Variants in TBC1D16 observed in about 807,000 individuals in gnomAD.
TBC1D16 encodes CTD-2529O21.1.
A neutral mutation model predicts 74.7 loss-of-function variants in TBC1D16; 58 were observed. That is an observed-to-expected ratio of 0.78 (90% CI 0.63 to 0.97). The LOEUF (loss-of-function observed/expected upper bound fraction) is 0.97, where lower values mean the gene tolerates loss of function less well. Ranked by LOEUF, TBC1D16 falls within the 50% of genes least tolerant of loss-of-function variation. TBC1D16 has a pLI of 0.00. For missense variants in TBC1D16, 1,014 were observed against 1,079.5 expected (o/e 0.94, Z 0.85); for synonymous variants, 493 against 474.7 (o/e 1.04, Z -0.50).
At chr17:79,974,253 T>C (rs1206807831) in intron 3 of TBC1D16, among the ~76,000 whole-genome samples, 1 of 152,194 alleles carries the variant, frequency 6.6e-6, no homozygotes, top group Non-Finnish European at 1.5e-5. Flanking sequence ...TTTTTTCTCT[T>C]TTTTGAGACG....
intron 3 of TBC1D16, among the ~76,000 whole-genome samples, chr17:79,972,978 A>C (rs1232597584): frequency 6.6e-6 from 1 of 152,146 alleles, no homozygotes; most frequent in East Asian, 1.9e-4. Flanking sequence ...GCTGCTCAGG[A>C]GGCTGAAGCG....
chr17:79,955,343 G>C (rs992651927), intron 3 of TBC1D16, among the ~76,000 whole-genome samples: 1 of 152,142 alleles, frequency 6.6e-6, no homozygotes, highest in South Asian at 2.1e-4. Context: ...GGTGGGGGTT[G>C]CATCGTGTCT....
intron 1 of TBC1D16, among the ~76,000 whole-genome samples, chr17:80,024,667 C>A (rs1413310777): frequency 2.1e-5 from 3 of 146,238 alleles, no homozygotes; most frequent in Non-Finnish European, 3.0e-5. Context: ...ACACCATAGA[C>A]ACACAGACAC....
chr17:79,951,503 A>G lies in TBC1D16; in HGVS notation c.1036T>C (p.Ser346Pro). Residue 346 changes from serine to proline, a missense_variant, in exon 5 of 12, where the codon TCT (serine) becomes CCT (proline). Physicochemically the swap from Ser to Pro is moderately conservative, Grantham distance 74. Transcript: ENST00000310924. ...TATTTCCACTGCTGGAACACGTCAG[A>G]CAGCTTGTCCAGGCCGCCGTGGTGG... ...HFHHGGLDKL[S>P]DVFQQWKYCT... The G allele has an allele frequency of 6.2e-7, 1 of 1,614,038 alleles. No individual in the cohort carries two copies. Among genetic ancestry groups the G allele is most frequent in the Non-Finnish European group, 8.5e-7 (1 of 1,179,990 alleles).
At chr17:79,973,629 G>A (rs2034207489) in intron 3 of TBC1D16, among the ~76,000 whole-genome samples, 1 of 151,280 alleles carries the variant, frequency 6.6e-6, no homozygotes, top group South Asian at 2.1e-4. Context: ...AGAATGGCAT[G>A]AACCCCAGAG....
chr17:79,951,310 G>A (rs556091255), intron 5 of TBC1D16, 140 bp downstream of exon 5: 10 of 1,030,568 alleles, frequency 9.7e-6, no homozygotes, highest in African/African-American at 3.2e-5. Context: ...CTGCTCTGAC[G>A]GCCAAAAACT....
At chr17:80,024,868 TCA>T (rs1377658160) in intron 1 of TBC1D16, among the ~76,000 whole-genome samples, 3 of 122,298 alleles carry the variant, frequency 2.5e-5, no homozygotes, top group Non-Finnish European at 4.9e-5. Context: ...GATACATACA[TCA>T]CACACCACAT....
intron 1 of TBC1D16, among the ~76,000 whole-genome samples, chr17:80,030,539 TC>T (rs2036739945): frequency 6.6e-6 from 1 of 152,150 alleles, no homozygotes; most frequent in Non-Finnish European, 1.5e-5. Context: ...TGCAAAAGTC[TC>T]TTCCAGAACC....
chr17:79,962,859 C>T (rs368031373), intron 3 of TBC1D16, among the ~76,000 whole-genome samples: 3 of 151,588 alleles, frequency 2.0e-5, no homozygotes, highest in Non-Finnish European at 2.9e-5. Context: ...GTCAGGAGTT[C>T]GAGACCAGCC....
intron 2 of TBC1D16, among the ~76,000 whole-genome samples, chr17:80,012,861 C>G (rs913059473): frequency 6.6e-6 from 1 of 152,072 alleles, no homozygotes; most frequent in Non-Finnish European, 1.5e-5. Flanking sequence ...GGGAAGGGGA[C>G]GGCAACAGGA....
In TBC1D16 at chr17:79,983,192, G is replaced by A. The variant is rs1416222613; in HGVS notation, c.779+26968C>T. Among the ~76,000 whole-genome samples, 1 of 152,216 alleles carries A rather than the reference G, an allele frequency of 6.6e-6. No homozygotes were observed. The highest frequency in any genetic ancestry group is 1.5e-5 in the Non-Finnish European group (1 of 68,048). On this transcript the variant is annotated intron_variant, in intron 3 of 11. Coordinates refer to ENST00000310924, the MANE Select transcript of TBC1D16 (RefSeq NM_019020.4). The surrounding 1 kb of genome is among the most constrained non-coding windows in gnomAD (Gnocchi z 5.6). ...CGCTGTGCAGGCGTGAAACCCAGTGGCGGTTCAGAAGACGTGGCAGCGCGG... is the reference window on the plus strand; with the variant it reads ...CGCTGTGCAGGCGTGAAACCCAGTGACGGTTCAGAAGACGTGGCAGCGCGG...
chr17:80,027,065 T>A (rs2091443786), intron 1 of TBC1D16, among the ~76,000 whole-genome samples: 1 of 152,138 alleles, frequency 6.6e-6, no homozygotes, highest in Non-Finnish European at 1.5e-5. Context: ...TAGGAAGGAC[T>A]CAGAGTTCAT....
intron 3 of TBC1D16, among the ~76,000 whole-genome samples, chr17:79,957,416 C>T (rs949994348): frequency 3.3e-5 from 5 of 152,148 alleles, no homozygotes; most frequent in Non-Finnish European, 2.9e-5. Context: ...GTGCGTCTTA[C>T]GAAGGGGTTT....
intron 1 of TBC1D16, among the ~76,000 whole-genome samples, chr17:80,024,929 C>CACACACACCACACACCATAGAA (rs2036496390): frequency 7.0e-6 from 1 of 142,584 alleles, no homozygotes; most frequent in Non-Finnish European, 1.5e-5. Flanking sequence ...ACACCATAGA[C>CACACACACCACACACCATAGAA]ACACACACCA....
At chr17:80,031,709 C>G (rs909212692) in intron 1 of TBC1D16, among the ~76,000 whole-genome samples, 1 of 152,154 alleles carries the variant, frequency 6.6e-6, no homozygotes, top group African/African-American at 2.4e-5. Context: ...GAGGTCAGGC[C>G]TGGGAGAAGA....
chr17:80,030,354 G>A (rs1267223483), intron 1 of TBC1D16, among the ~76,000 whole-genome samples: 4 of 152,082 alleles, frequency 2.6e-5, no homozygotes, highest in Non-Finnish European at 2.9e-5. Flanking sequence ...ACCCAGGAGA[G>A]GAGCACGCCT....
chr17:80,009,661 G>T lies in TBC1D16; in HGVS notation c.779+499C>A, dbSNP rs1345178001. Among the ~76,000 whole-genome samples, 3 of 152,248 alleles carry T rather than the reference G, an allele frequency of 2.0e-5. No homozygotes were observed. Among genetic ancestry groups the T allele is most frequent in the African/African-American group, 7.2e-5 (3 of 41,468 alleles). ...GCTGAAGCCTCCGGGGACCACAGGGGGCCAGGTCACGTGCCCAGTGGGCTG... is the reference window on the plus strand; with the variant it reads ...GCTGAAGCCTCCGGGGACCACAGGGTGCCAGGTCACGTGCCCAGTGGGCTG... On this transcript the variant is annotated intron_variant, in intron 3 of 11. Coordinates refer to ENST00000310924, the MANE Select transcript of TBC1D16 (RefSeq NM_019020.4). This position sits in a 1 kb window ranked among gnomAD's most constrained non-coding sequence, Gnocchi z 5.4.
chr17:80,011,858 G>A (rs1465777978), intron 2 of TBC1D16, among the ~76,000 whole-genome samples: 2 of 152,116 alleles, frequency 1.3e-5, no homozygotes, highest in South Asian at 4.1e-4. Context: ...CAAGCTGGGT[G>A]GTATTTGGGC....
intron 1 of TBC1D16, among the ~76,000 whole-genome samples, chr17:80,023,548 CT>C (rs1272412574): frequency 6.7e-6 from 1 of 150,192 alleles, no homozygotes; most frequent in Non-Finnish European, 1.5e-5. Context: ...GAAAGAGACG[CT>C]CAGTGCCACT....
Sources: gnomAD v4.1 joint callset for allele counts (sites outside exome capture counted in the v4.1 genomes callset) on GRCh38, gnomAD v4.1.1 for gene constraint, Gnocchi (gnomAD v3.1) non-coding constraint, MANE v1.5 for transcripts, NCBI Gene and HGNC (gene_info 2026-07-23, HGNC 2026-07-21) for gene names.